Variants in M1AP observed in about 807,000 individuals in gnomAD.
M1AP encodes the protein meiosis 1 arrest protein.
Under a neutral mutation model 51.2 loss-of-function variants are expected in M1AP, and 39 were observed. The observed-to-expected ratio is 0.76, with a 90% CI of 0.59 to 1.00. M1AP has a LOEUF of 1.00. Among genes scored for constraint, M1AP ranks in the 50% least tolerant of loss-of-function variants. The pLI is 0.00. For synonymous variants in M1AP, 251 were observed against 249.2 expected (o/e 1.01, Z -0.07); for missense variants, 545 against 641.2 (o/e 0.85, Z 1.62).
intron 2 of M1AP, among the ~76,000 whole-genome samples, chr2:74,625,464 T>G (rs1682327850): frequency 6.6e-6 from 1 of 152,230 alleles, no homozygotes; most frequent in South Asian, 2.1e-4. Context: ...ATATTATGCT[T>G]AGAAAAGCCA....
At chr2:74,569,909 CGTGTGTGTGT>C (rs145070644) in intron 7 of M1AP, among the ~76,000 whole-genome samples, 35 of 143,354 alleles carry the variant, frequency 2.4e-4, no homozygotes, top group African/African-American at 8.9e-4. Flanking sequence ...TGTGTGCATG[CGTGTGTGTGT>C]GTGTGTGTGT....
intron 4 of M1AP, among the ~76,000 whole-genome samples, chr2:74,586,317 G>A (rs1679704459): frequency 6.6e-6 from 1 of 152,136 alleles, no homozygotes; most frequent in African/African-American, 2.4e-5. Flanking sequence ...CCCTATCAGG[G>A]CCTTGTATAG....
Position 74,607,278 on chromosome 2 carries a change from G to A in M1AP, c.427-55C>T, listed in dbSNP as rs1370073900. The A allele has an allele frequency of 3.2e-6, 5 of 1,548,040 alleles. No individual in the cohort carries two copies. In the African/African-American group the frequency reaches 6.8e-5, roughly 21 times the overall value. On this transcript the variant is annotated intron_variant, in intron 3 of 10. Coordinates refer to ENST00000421985, the MANE Select transcript of M1AP (RefSeq NM_001321739.2). ...TATTCTCCCTGATGTACAGAGTGAG[G>A]AACATAACAGTTCCTACCCGGAGGA...
chr2:74,626,257 G>T (rs77690730), intron 2 of M1AP, among the ~76,000 whole-genome samples: 10,808 of 125,852 alleles, frequency 0.086, 1,245 homozygotes, highest in African/African-American at 0.27. Context: ...CTATATTTCA[G>T]TTTTTTTTTT....
chr2:74,588,616 C>T (rs1296510659), intron 4 of M1AP, among the ~76,000 whole-genome samples: 3 of 152,042 alleles, frequency 2.0e-5, no homozygotes, highest in Admixed American at 6.5e-5. Flanking sequence ...ATGCTTGGAC[C>T]CTAGGAAAAA....
At chr2:74,595,502 C>T (rs538412531) in intron 4 of M1AP, among the ~76,000 whole-genome samples, 14 of 152,040 alleles carry the variant, frequency 9.2e-5, no homozygotes, top group Non-Finnish European at 1.8e-4. Flanking sequence ...TAGGTGCACA[C>T]TACCATGCCA....
intron 1 of M1AP, among the ~76,000 whole-genome samples, chr2:74,644,771 A>C (rs1683504200): frequency 6.6e-6 from 1 of 152,252 alleles, no homozygotes; most frequent in Non-Finnish European, 1.5e-5. Flanking sequence ...TAATGTATTT[A>C]CCAAGAAAGC....
At chr2:74,629,940 C>CT (rs769023462) in intron 2 of M1AP, among the ~76,000 whole-genome samples, 1,490 of 136,804 alleles carry the variant, frequency 0.011, 14 homozygotes, top group African/African-American at 0.027. Context: ...AGATTCACAA[C>CT]TTTTTTTTTT....
At chr2:74,574,348 C>T (rs1573078634) in intron 7 of M1AP, among the ~76,000 whole-genome samples, 1 of 152,282 alleles carries the variant, frequency 6.6e-6, no homozygotes, top group East Asian at 1.9e-4. Context: ...CTTTCTCACT[C>T]CCTATATCCA....
intron 4 of M1AP, among the ~76,000 whole-genome samples, chr2:74,594,382 A>T (rs1046503725): frequency 1.3e-5 from 2 of 152,206 alleles, no homozygotes; most frequent in Non-Finnish European, 2.9e-5. Flanking sequence ...TGAGGAATAG[A>T]AAATATGTTC....
At chr2:74,576,644 A>T (rs1558655215) in intron 5 of M1AP, 26 bp from the exon 6 acceptor site, 2 of 1,612,060 alleles carry the variant, frequency 1.2e-6, no homozygotes, top group East Asian at 4.5e-5. Flanking sequence ...ATTACATTTC[A>T]GACACACTAC....
At chr2:74,582,652 G>C (rs534793937) in intron 4 of M1AP, among the ~76,000 whole-genome samples, 1 of 152,294 alleles carries the variant, frequency 6.6e-6, no homozygotes, top group South Asian at 2.1e-4. Context: ...GCAGGGTTCT[G>C]AGATACTTTC....
chr2:74,564,634 A>G (rs1678257285), intron 7 of M1AP, among the ~76,000 whole-genome samples: 1 of 152,212 alleles, frequency 6.6e-6, no homozygotes, highest in African/African-American at 2.4e-5. Context: ...CTGAAGAACA[A>G]ATCCAAATGT....
intron 4 of M1AP, among the ~76,000 whole-genome samples, chr2:74,598,995 G>A (rs1680517786): frequency 6.6e-6 from 1 of 151,796 alleles, no homozygotes; most frequent in African/African-American, 2.4e-5. Flanking sequence ...TTTATTATAT[G>A]GGCTGGGCAC....
Position 74,641,900 on chromosome 2 carries a change from C to T in M1AP, c.-52-1573G>A, listed in dbSNP as rs187059636. 9.9e-3 allele frequency among the ~76,000 whole-genome samples: 1,499 copies of T among 150,866 alleles called. 31 individuals are homozygous for T. The highest frequency in any genetic ancestry group is 0.035 in the African/African-American group (1,420 of 40,978). On this transcript the variant is annotated intron_variant, in intron 1 of 10. Coordinates refer to ENST00000421985, the MANE Select transcript of M1AP (RefSeq NM_001321739.2). ...CACTCTTGTTGCCCAGGCTGGAGTG[C>T]AATGGCATGATCTTGGCTCGCTGCA...
In M1AP at chr2:74,587,138, CT is replaced by C. The variant is rs1240477807; in HGVS notation, c.596-5292del. Among the ~76,000 whole-genome samples, 19 of 152,040 alleles carry C rather than the reference CT, an allele frequency of 1.2e-4. No homozygotes were observed. The East Asian group carries it at 3.7e-3, about 29-fold the overall frequency. ...CAGTAGGTCCAACAAATATAATTTT[CT>C]TCCTTTTCTCTCATCCACAAAATGA... On this transcript the variant is annotated intron_variant, in intron 4 of 10. Coordinates refer to ENST00000421985, the MANE Select transcript of M1AP (RefSeq NM_001321739.2).
At chr2:74,628,869 C>A in intron 2 of M1AP, 2 of 435,490 alleles carry the variant, frequency 4.6e-6, no homozygotes, top group South Asian at 3.9e-5. Flanking sequence ...TTTTTTTGGT[C>A]TATTAGTTGT....
At chr2:74,561,855 T>G (rs959561274) in intron 8 of M1AP, 4 of 981,582 alleles carry the variant, frequency 4.1e-6, no homozygotes, top group Admixed American at 6.2e-5. Context: ...TCTGTGATGC[T>G]CCCTTTTCTC....
intron 2 of M1AP, among the ~76,000 whole-genome samples, chr2:74,621,348 G>C (rs1329490831): frequency 6.6e-6 from 1 of 151,692 alleles, no homozygotes; most frequent in Non-Finnish European, 1.5e-5. Flanking sequence ...AAAATGAGAG[G>C]CACAGATTAA....
Sources: allele counts gnomAD v4.1 joint callset (sites outside exome capture counted in the v4.1 genomes callset), GRCh38; gene constraint gnomAD v4.1.1; transcripts MANE v1.5; gene names NCBI Gene and HGNC (gene_info 2026-07-23, HGNC 2026-07-21).